TMEM132D: variants seen among roughly 807,000 people sequenced by gnomAD.
The protein encoded by TMEM132D is mature OL transmembrane protein.
Under a neutral mutation model 62.3 loss-of-function variants are expected in TMEM132D, and 21 were observed. That is an observed-to-expected ratio of 0.34 (90% CI 0.24 to 0.49). The LOEUF (loss-of-function observed/expected upper bound fraction) is 0.49, where lower values mean the gene tolerates loss of function less well. TMEM132D is among the 20% of genes least tolerant of loss of function. The probability of loss-of-function intolerance (pLI) is 0.99; values close to 1 mark genes in which losing one functional copy is unlikely to be tolerated. For missense variants in TMEM132D, 1,346 were observed against 1,402.8 expected (o/e 0.96, Z 0.65); for synonymous variants, 621 against 575.6 (o/e 1.08, Z -1.13).
chr12:129,563,380 T>C (rs1319358039), intron 2 of TMEM132D, among the ~76,000 whole-genome samples: 1 of 152,194 alleles, frequency 6.6e-6, no homozygotes, highest in Non-Finnish European at 1.5e-5. Context: ...GTTTTGGGTA[T>C]GTGTGCACCT....
intron 1 of TMEM132D, among the ~76,000 whole-genome samples, chr12:129,792,066 C>T (rs1435856435): frequency 6.6e-6 from 1 of 152,182 alleles, no homozygotes; most frequent in Non-Finnish European, 1.5e-5. Context: ...GGGGGCCATT[C>T]ACGTTCCAAA....
At chr12:129,242,958 T>C (rs1325979643) in intron 4 of TMEM132D, among the ~76,000 whole-genome samples, 2 of 95,922 alleles carry the variant, frequency 2.1e-5, no homozygotes, top group Non-Finnish European at 5.0e-5. Context: ...AGGCAGCAAG[T>C]TCAGGCTGCG....
intron 5 of TMEM132D, among the ~76,000 whole-genome samples, chr12:129,103,933 G>C (rs1223927899): frequency 6.6e-6 from 1 of 152,168 alleles, no homozygotes; most frequent in Admixed American, 6.5e-5. Flanking sequence ...TCGTGGGTAG[G>C]AATAATCAAT....
At chr12:129,373,085 C>A (rs1461418557) in intron 3 of TMEM132D, among the ~76,000 whole-genome samples, 6 of 152,126 alleles carry the variant, frequency 3.9e-5, no homozygotes, top group Non-Finnish European at 5.9e-5. Flanking sequence ...CACACTATTG[C>A]AAATACTTAG....
intron 5 of TMEM132D, among the ~76,000 whole-genome samples, chr12:129,177,670 A>T (rs1877942996): frequency 6.6e-6 from 1 of 152,048 alleles, no homozygotes; most frequent in African/African-American, 2.4e-5. Context: ...AGGCGGGAGG[A>T]TTGCTTGCAC....
chr12:129,347,541 C>G (rs1321217532), intron 3 of TMEM132D, among the ~76,000 whole-genome samples: 1 of 152,124 alleles, frequency 6.6e-6, no homozygotes, highest in African/African-American at 2.4e-5. Flanking sequence ...TTCCTTTATA[C>G]CTTATACAAA....
chr12:129,430,696 G>A (rs1360941391), intron 3 of TMEM132D, among the ~76,000 whole-genome samples: 1 of 152,162 alleles, frequency 6.6e-6, no homozygotes, highest in Non-Finnish European at 1.5e-5. Context: ...GGTTGATTAT[G>A]AGAATTCAGT....
chr12:129,753,486 G>T (rs1324257684), intron 1 of TMEM132D, among the ~76,000 whole-genome samples: 3 of 152,218 alleles, frequency 2.0e-5, no homozygotes, highest in South Asian at 2.1e-4. Flanking sequence ...AAGATTCCAG[G>T]AAAAACGCTG....
chr12:129,739,178 G>A (rs993165420), intron 1 of TMEM132D, among the ~76,000 whole-genome samples: 7 of 152,172 alleles, frequency 4.6e-5, no homozygotes, highest in South Asian at 2.1e-4. Context: ...TATGGATATC[G>A]GCTCCCGGGT....
At chr12:129,237,453 CATG>C (rs1189473758) in intron 4 of TMEM132D, among the ~76,000 whole-genome samples, 1 of 152,086 alleles carries the variant, frequency 6.6e-6, no homozygotes, top group Non-Finnish European at 1.5e-5. Context: ...TTATTTAGTT[CATG>C]ATATTTTCTA....
At chr12:129,802,686 C>A (rs1289284222) in intron 1 of TMEM132D, among the ~76,000 whole-genome samples, 4 of 148,038 alleles carry the variant, frequency 2.7e-5, no homozygotes, top group Non-Finnish European at 6.0e-5. Context: ...TCACACATAA[C>A]AATATTAACT....
chr12:129,761,071 A>G (rs1593151399), intron 1 of TMEM132D, among the ~76,000 whole-genome samples: 1 of 151,882 alleles, frequency 6.6e-6, no homozygotes, highest in African/African-American at 2.4e-5. Context: ...TTCATTCAGC[A>G]GCAGACAATG....
chr12:129,079,528 C>T (rs772104645), intron 7 of TMEM132D, among the ~76,000 whole-genome samples: 5 of 152,192 alleles, frequency 3.3e-5, no homozygotes. Flanking sequence ...TGATAAACAG[C>T]TGTCTTAGAC....
At chr12:129,576,952 G>A (rs1434290919) in intron 2 of TMEM132D, among the ~76,000 whole-genome samples, 1 of 151,864 alleles carries the variant, frequency 6.6e-6, no homozygotes, top group Non-Finnish European at 1.5e-5. Flanking sequence ...TTGTCTGTCT[G>A]AAATAGTGGC....
Position 129,768,409 on chromosome 12 carries a change from C to T in TMEM132D, c.80-67711G>A, listed in dbSNP as rs925652416. On this transcript the variant is annotated intron_variant, in intron 1 of 8. Coordinates refer to ENST00000422113, the MANE Select transcript of TMEM132D (RefSeq NM_133448.3). Reference sequence around the variant, plus strand: ...GGCCATCGTAATGGGTGTAAGGTGACAGTTATCTCATTGTGGTGAGGAGAA... The same window carrying T: ...GGCCATCGTAATGGGTGTAAGGTGATAGTTATCTCATTGTGGTGAGGAGAA... 3.3e-5 allele frequency among the ~76,000 whole-genome samples: 5 copies of T among 151,868 alleles called. No homozygotes were observed. The East Asian group carries it at 7.8e-4, about 24-fold the overall frequency.
At chr12:129,244,197 A>G (rs1337895799) in intron 4 of TMEM132D, among the ~76,000 whole-genome samples, 1 of 150,178 alleles carries the variant, frequency 6.7e-6, no homozygotes, top group Non-Finnish European at 1.5e-5. Context: ...CATCCTGGCT[A>G]ACGCGGTGAA....
At chr12:129,084,856 A>C (rs1874565078) in intron 5 of TMEM132D, 154 bp from the exon 6 acceptor site, 2 of 641,166 alleles carry the variant, frequency 3.1e-6, no homozygotes, top group African/African-American at 1.9e-5. Context: ...TGGAGCAGAC[A>C]TTGGGTGTTG....
At chr12:129,807,049 GAATA>G (rs1445596374) in intron 1 of TMEM132D, among the ~76,000 whole-genome samples, 1 of 151,964 alleles carries the variant, frequency 6.6e-6, no homozygotes, top group African/African-American at 2.4e-5. Context: ...ATGAATGAAT[GAATA>G]AATAAATGAA....
At chr12:129,206,648 C>A (rs1878855180) in intron 5 of TMEM132D, among the ~76,000 whole-genome samples, 2 of 152,176 alleles carry the variant, frequency 1.3e-5, no homozygotes, top group Admixed American at 1.3e-4. Flanking sequence ...AAGATACATG[C>A]ACGCGAATGT....
Sources: gnomAD v4.1 joint callset for allele counts (sites outside exome capture counted in the v4.1 genomes callset) on GRCh38, gnomAD v4.1.1 for gene constraint, MANE v1.5 for transcripts, NCBI Gene and HGNC (gene_info 2026-07-23, HGNC 2026-07-21) for gene names.